The following CNOT6L variants were observed in gnomAD, a reference collection of about 807,000 sequenced individuals.
CNOT6L encodes CCR4-NOT transcription complex subunit 6-like.
In CNOT6L, 7 loss-of-function variants were observed where a neutral mutation model predicts 64.0. The observed-to-expected ratio is 0.11, with a 90% CI of 0.06 to 0.21. The LOEUF (loss-of-function observed/expected upper bound fraction) is 0.21, where lower values mean the gene tolerates loss of function less well. CNOT6L is among the 10% of genes least tolerant of loss of function. CNOT6L has a pLI of 1.00. For synonymous variants in CNOT6L, 193 were observed against 243.4 expected, an observed-to-expected ratio of 0.79 and a Z score of 1.93; for missense variants, 245 against 669.0, an observed-to-expected ratio of 0.37 and a Z score of 6.99.
intron 8 of CNOT6L, among the ~76,000 whole-genome samples, chr4:77,734,117 G>A (rs2109905974): frequency 6.6e-6 from 1 of 152,230 alleles, no homozygotes; most frequent in Middle Eastern, 3.4e-3. Flanking sequence ...TTTGGGGAAA[G>A]TCATATTGTA....
intron 1 of CNOT6L, among the ~76,000 whole-genome samples, chr4:77,786,039 G>C (rs779198379): frequency 1.3e-5 from 2 of 152,184 alleles, no homozygotes; most frequent in African/African-American, 2.4e-5. Context: ...CCAGCACTTA[G>C]GGAGGCCAAG....
chr4:77,737,720 T>TAC (rs1475320910), intron 8 of CNOT6L, among the ~76,000 whole-genome samples: 2 of 152,022 alleles, frequency 1.3e-5, no homozygotes, highest in African/African-American at 4.8e-5. Context: ...GCCCAGACTG[T>TAC]ACAGCTCTTT....
intron 8 of CNOT6L, among the ~76,000 whole-genome samples, chr4:77,741,025 T>C (rs1723522005): frequency 6.6e-6 from 1 of 152,172 alleles, no homozygotes; most frequent in African/African-American, 2.4e-5. Flanking sequence ...AATCACCTAA[T>C]GATGCATTTC....
chr4:77,794,150 CAAAAA>C (rs10649868), intron 1 of CNOT6L, among the ~76,000 whole-genome samples: 2 of 52,026 alleles, frequency 3.8e-5, no homozygotes, highest in Non-Finnish European at 5.9e-5. Context: ...GACTCTGTCT[CAAAAA>C]AAAAAAAAAA....
Position 77,819,091 on chromosome 4 carries a change from C to G in CNOT6L, c.5+213G>C, listed in dbSNP as rs367722470. ...ACACACACACCCCGGAACCTTCGCCCGCCTCTGAAGAGACGCGGGTCAGCC... is the reference window on the plus strand; with the variant it reads ...ACACACACACCCCGGAACCTTCGCCGGCCTCTGAAGAGACGCGGGTCAGCC... On this transcript the variant is annotated intron_variant, in intron 1 of 11. Transcript: ENST00000504123. 696 of 817,584 alleles carry G rather than the reference C, an allele frequency of 8.5e-4. 4 individuals carry two copies. The East Asian group carries it at 0.017, about 20-fold the overall frequency. The allele number at this position is 817,584 out of a possible 1,614,324, so 50.6% of individuals were successfully genotyped here.
intron 1 of CNOT6L, among the ~76,000 whole-genome samples, chr4:77,790,815 A>AT (rs35909833): frequency 0.09 from 11,588 of 128,604 alleles, 599 homozygotes; most frequent in East Asian, 0.17. Context: ...CGCCTGGCTG[A>AT]TTTTTTTTTT....
intron 1 of CNOT6L, among the ~76,000 whole-genome samples, chr4:77,783,220 C>G (rs1246031541): frequency 1.4e-5 from 2 of 147,586 alleles, no homozygotes; most frequent in African/African-American, 5.0e-5. Context: ...AAAAAATAAC[C>G]TTCAGACTTT....
chr4:77,769,165 T>TAA (rs1276055985), intron 4 of CNOT6L, among the ~76,000 whole-genome samples: 1 of 152,128 alleles, frequency 6.6e-6, no homozygotes, highest in African/African-American at 2.4e-5. Context: ...AACCAAGTCA[T>TAA]AAAAATTACA....
intron 9 of CNOT6L, 54 bp from the exon 10 acceptor site, chr4:77,729,135 A>C: frequency 7.2e-7 from 1 of 1,392,148 alleles, no homozygotes; most frequent in South Asian, 1.2e-5. Flanking sequence ...GTTTGAAGAA[A>C]TGTGGCATCC....
rs138870063 is a variant in CNOT6L, at chr4:77,765,137, C to T, written c.400+7944G>A. On this transcript the variant is annotated intron_variant, in intron 4 of 11. Transcript: ENST00000504123. ...GATGGCAGTAAGAGTGACCTCCAAT[C>T]GTCCTCACTGCTACACTCCCACCAG... Among the ~76,000 whole-genome samples the T allele has an allele frequency of 2.7e-4, 41 of 152,298 alleles. No homozygotes were observed. The South Asian group carries it at 6.2e-3, about 23-fold the overall frequency.
intron 8 of CNOT6L, among the ~76,000 whole-genome samples, chr4:77,735,402 G>A (rs950838989): frequency 1.3e-5 from 2 of 152,184 alleles, no homozygotes; most frequent in South Asian, 2.1e-4. Context: ...GGCTGGGCAA[G>A]TCTGTCTTTT....
chr4:77,734,141 C>T lies in CNOT6L; in HGVS notation c.873-2603G>A, dbSNP rs566832044. On this transcript the variant is annotated intron_variant, in intron 8 of 11. Coordinates refer to ENST00000504123, the MANE Select transcript of CNOT6L (RefSeq NM_144571.3). ...AGTCATATTGTAAGCCAAACAGGAACTAACATATATCTGAAATGTTTTGAT... is the reference window on the plus strand; with the variant it reads ...AGTCATATTGTAAGCCAAACAGGAATTAACATATATCTGAAATGTTTTGAT... Among the ~76,000 whole-genome samples the T allele has an allele frequency of 3.3e-5, 5 of 152,238 alleles. No individual in the cohort carries two copies. The East Asian group carries it at 9.7e-4, about 29-fold the overall frequency.
At chr4:77,792,479 A>G (rs1484992905) in intron 1 of CNOT6L, among the ~76,000 whole-genome samples, 1 of 152,154 alleles carries the variant, frequency 6.6e-6, no homozygotes, top group East Asian at 1.9e-4. Flanking sequence ...TAATCCCAGT[A>G]CTTTGGGAGG....
rs1732018192 is a variant in CNOT6L at position 77,804,692 on chromosome 4, C to A, written c.5+14612G>T. Among the ~76,000 whole-genome samples the A allele has an allele frequency of 2.0e-5, 3 of 151,850 alleles. No homozygotes were observed. The South Asian group carries it at 6.2e-4, about 31-fold the overall frequency. On this transcript the variant is annotated intron_variant, in intron 1 of 11. Transcript: ENST00000504123. ...GGAATTTGCTTGTAGTGGTGGTTGG[C>A]AACATACTGAATGTACTAAAACCAC...
chr4:77,799,284 G>C (rs190660626), intron 1 of CNOT6L, among the ~76,000 whole-genome samples: 3 of 152,212 alleles, frequency 2.0e-5, no homozygotes, highest in Admixed American at 2.0e-4. Context: ...ACTTTGCTGG[G>C]AATGGTGGCA....
intron 3 of CNOT6L, among the ~76,000 whole-genome samples, 163 bp downstream of exon 3, chr4:77,774,367 A>G (rs1236449578): frequency 1.3e-5 from 2 of 152,200 alleles, no homozygotes; most frequent in African/African-American, 2.4e-5. Context: ...AATTTAAAGG[A>G]AAAGAAATGT....
chr4:77,768,470 AATAAATATATATATATATATAT>A (rs1167983497), intron 4 of CNOT6L, among the ~76,000 whole-genome samples: 4,129 of 134,290 alleles, frequency 0.031, 179 homozygotes, highest in Admixed American at 0.046. Flanking sequence ...GTCTAAAATA[AATAAATATATATATATATATAT>A]ATATATATAT....
chr4:77,819,290 AAAG>A lies in CNOT6L; in HGVS notation c.5+11_5+13del. 1 of 1,613,300 alleles carries A rather than the reference AAAG, an allele frequency of 6.2e-7. No homozygotes were observed. Among genetic ancestry groups the A allele is most frequent in the Non-Finnish European group, 8.5e-7 (1 of 1,179,632 alleles). The stretch of plus-strand genomic sequence containing the variant: ...ACACTCTCGGTCCTACTCGGAGGCA[AAAG>A]AACACTCTACCTCATTCTCTTCCTC... On this transcript the variant is annotated intron_variant, in intron 1 of 11. Coordinates refer to ENST00000504123, the MANE Select transcript of CNOT6L (RefSeq NM_144571.3).
At chr4:77,780,549 C>G (rs1253890903) in intron 1 of CNOT6L, among the ~76,000 whole-genome samples, 1 of 152,158 alleles carries the variant, frequency 6.6e-6, no homozygotes, top group Non-Finnish European at 1.5e-5. Context: ...GCCATCCATT[C>G]ACTCTTTATT....
Sources: gnomAD v4.1 joint callset for allele counts (sites outside exome capture counted in the v4.1 genomes callset) on GRCh38, gnomAD v4.1.1 for gene constraint, MANE v1.5 for transcripts, NCBI Gene and HGNC (gene_info 2026-07-23, HGNC 2026-07-21) for gene names.